Variants in IFRD1 observed in about 807,000 individuals in gnomAD.
IFRD1 encodes interferon-related developmental regulator 1.
Under a neutral mutation model 52.9 loss-of-function variants are expected in IFRD1, and 35 were observed. The ratio of observed to expected loss-of-function variants is 0.66; its 90% CI spans 0.51 to 0.88. The LOEUF is 0.88. IFRD1 is among the 40% of genes least tolerant of loss of function. IFRD1 has a pLI of 0.00. For synonymous variants in IFRD1, 184 were observed against 188.4 expected (o/e 0.98, Z 0.19); for missense variants, 517 against 550.8 (o/e 0.94, Z 0.61).
chr7:112,444,731 G>A (rs186638117), intron 1 of IFRD1, among the ~76,000 whole-genome samples: 10 of 152,150 alleles, frequency 6.6e-5, no homozygotes, highest in Admixed American at 3.3e-4. Flanking sequence ...GCCTTTTCTC[G>A]CAGCATTGCA....
intron 1 of IFRD1, among the ~76,000 whole-genome samples, chr7:112,444,456 T>C (rs1056804266): frequency 3.9e-5 from 6 of 152,214 alleles, no homozygotes; most frequent in African/African-American, 1.4e-4. Flanking sequence ...TCACCATTCT[T>C]GGCAATAAAA....
At chr7:112,459,833 TC>T (rs1348826415) in intron 5 of IFRD1, among the ~76,000 whole-genome samples, 1 of 152,200 alleles carries the variant, frequency 6.6e-6, no homozygotes, top group African/African-American at 2.4e-5. Context: ...TGCATCTAGT[TC>T]CTTGGCTTAC....
At chr7:112,433,852 G>A (rs1273349532) in intron 1 of IFRD1, among the ~76,000 whole-genome samples, 1 of 152,078 alleles carries the variant, frequency 6.6e-6, no homozygotes, top group Non-Finnish European at 1.5e-5. Flanking sequence ...ACAGAGTCTC[G>A]CTAGGCCGCC....
chr7:112,474,082 C>CT lies in IFRD1; in HGVS notation c.1266+1227dup, dbSNP rs567747293. ...TAGCATGAATTCAGAGAGCTTTATT[C>CT]TTTTTTGTGGCAGAATAATATTCCA... On this transcript the variant is annotated intron_variant, in intron 11 of 11. Coordinates refer to ENST00000403825, the MANE Select transcript of IFRD1 (RefSeq NM_001550.4). Among the ~76,000 whole-genome samples the CT allele has an allele frequency of 2.5e-3, 383 of 152,218 alleles. 1 individual carries two copies. The highest frequency in any genetic ancestry group is 4.4e-3 in the Non-Finnish European group (300 of 67,998).
chr7:112,445,943 C>T (rs1795021106), upstream of IFRD1, among the ~76,000 whole-genome samples: 1 of 152,002 alleles, frequency 6.6e-6, no homozygotes, highest in Admixed American at 6.6e-5. Flanking sequence ...ATAATTAATG[C>T]TAGTCTAAAG....
intron 11 of IFRD1, among the ~76,000 whole-genome samples, chr7:112,473,494 G>A (rs1287754879): frequency 3.3e-5 from 5 of 150,836 alleles, no homozygotes; most frequent in African/African-American, 1.2e-4. Flanking sequence ...GTGCAATCTC[G>A]GCTCACTGCA....
At chr7:112,424,144 G>C (rs1794379046) in intron 1 of IFRD1, among the ~76,000 whole-genome samples, 1 of 152,260 alleles carries the variant, frequency 6.6e-6, no homozygotes, top group East Asian at 1.9e-4. Flanking sequence ...GCCAGCAGGT[G>C]GGGGTTTACT....
At chr7:112,450,808 T>C (rs1294663016) in intron 1 of IFRD1, 26 bp downstream of exon 1, 1 of 1,540,518 alleles carries the variant, frequency 6.5e-7, no homozygotes, top group African/African-American at 1.4e-5. Flanking sequence ...GCCGCCGGCA[T>C]CCCAGTTGCC....
At chr7:112,423,342 A>G (rs1794361957) in exon 1 of IFRD1, 1 of 152,198 alleles carries the variant, frequency 6.6e-6, no homozygotes, top group Non-Finnish European at 1.5e-5. Context: ...TGTTACATAA[A>G]ATTAACATTT....
In IFRD1 at chr7:112,472,782, G is replaced by A. The variant is rs771235895; in HGVS notation, c.1187G>A (p.Arg396Gln). The change falls in exon 11 of 12, where the codon CGA (arginine) becomes CAA (glutamine). Residue 396 changes from arginine (R) to glutamine (Q), a missense_variant. Arg to Gln is a conservative substitution (Grantham distance 43). Coordinates refer to ENST00000403825, the MANE Select transcript of IFRD1 (RefSeq NM_001550.4). ...TCACATAAGTCAAATGAATTCCTTCGAAATGTATTTGAACTTGGACCCCCA... is the reference window on the plus strand; with the variant it reads ...TCACATAAGTCAAATGAATTCCTTCAAAATGTATTTGAACTTGGACCCCCA... The part of the protein sequence containing the change: ...QYHLQSNEFL[R>Q]NVFELGPPVM... The A allele has an allele frequency of 1.3e-5, 21 of 1,610,008 alleles. No individual in the cohort carries two copies. Among genetic ancestry groups the A allele is most frequent in the South Asian group, 2.2e-5 (2 of 90,996 alleles).
intron 8 of IFRD1, 126 bp downstream of exon 8, chr7:112,462,504 TC>T (rs1274694550): frequency 1.4e-6 from 1 of 731,394 alleles, no homozygotes; most frequent in Non-Finnish European, 2.4e-6. Context: ...GTGATTTATT[TC>T]CCTACTTCTT....
rs537277549 is a variant in IFRD1 at position 112,458,690 on chromosome 7, C to T, written c.410-171C>T. Among the ~76,000 whole-genome samples the T allele has an allele frequency of 4.6e-5, 7 of 152,210 alleles. No homozygotes were observed. The South Asian group carries it at 6.2e-4, about 14-fold the overall frequency. The stretch of plus-strand genomic sequence containing the variant: ...TCTAGGATTTGAGTGAGGTCTGTTT[C>T]TATAGTTTGAGCTCTTTAGCCTAAG... On this transcript the variant is annotated intron_variant, in intron 4 of 11. Transcript: ENST00000403825.
At chr7:112,436,360 T>A (rs770854312) in intron 1 of IFRD1, among the ~76,000 whole-genome samples, 7 of 152,194 alleles carry the variant, frequency 4.6e-5, no homozygotes, top group Non-Finnish European at 7.4e-5. Flanking sequence ...ACATGCCAAG[T>A]ATTTTGCTTC....
chr7:112,447,498 G>A (rs764673378), upstream of IFRD1, among the ~76,000 whole-genome samples: 8 of 152,154 alleles, frequency 5.3e-5, no homozygotes, highest in African/African-American at 9.7e-5. Flanking sequence ...GAGCCCAACC[G>A]AAAATACTTG....
chr7:112,442,336 ATTTC>A (rs1437191042), intron 1 of IFRD1, among the ~76,000 whole-genome samples: 6 of 152,198 alleles, frequency 3.9e-5, no homozygotes, highest in African/African-American at 1.4e-4. Context: ...TAGCAGAGTC[ATTTC>A]TTTCTTTGGT....
upstream of IFRD1, among the ~76,000 whole-genome samples, chr7:112,448,001 A>G (rs1270176779): frequency 6.6e-6 from 1 of 152,080 alleles, no homozygotes; most frequent in Non-Finnish European, 1.5e-5. Context: ...CTAGTCAACA[A>G]TTATTTCTTA....
chr7:112,474,695 C>A (rs1483717138), intron 11 of IFRD1, among the ~76,000 whole-genome samples: 1 of 152,148 alleles, frequency 6.6e-6, no homozygotes, highest in East Asian at 1.9e-4. Flanking sequence ...GTAGCTGTTA[C>A]ACAAAGATTT....
rs1252481308 is a variant in IFRD1, at chr7:112,468,065, G to T, written c.991G>T (p.Asp331Tyr). 1 of 1,613,996 alleles carries T rather than the reference G, an allele frequency of 6.2e-7. No individual in the cohort carries two copies. Residue 331 changes from aspartate to tyrosine, a missense_variant, in exon 9 of 12, where the codon GAC becomes TAC. Coordinates refer to ENST00000403825, the MANE Select transcript of IFRD1 (RefSeq NM_001550.4). ...TDGNKHRAKV[D>Y]KRKQRSVFRD... ...TGGAAATAAACACCGGGCCAAAGTG[G>T]ACAAGAGAAAGCAGCGGTCAGTTTT... is the stretch of plus-strand genomic sequence containing the variant.
chr7:112,462,219 T>G (rs1795456988), intron 7 of IFRD1, 40 bp downstream of exon 7: 1 of 1,609,782 alleles, frequency 6.2e-7, no homozygotes, highest in African/African-American at 1.3e-5. Context: ...AAGCAACATT[T>G]AGTGGACATA....
Sources: gnomAD v4.1 joint callset for allele counts (sites outside exome capture counted in the v4.1 genomes callset) on GRCh38, gnomAD v4.1.1 for gene constraint, MANE v1.5 for transcripts, NCBI Gene and HGNC (gene_info 2026-07-23, HGNC 2026-07-21) for gene names.